Variants in MYOM2 observed in about 807,000 individuals in gnomAD.
MYOM2 encodes myomesin 2.
In MYOM2, 254 loss-of-function variants were observed where a neutral mutation model predicts 187.6. The observed-to-expected ratio is 1.35, with a 90% CI of 1.22 to 1.50. MYOM2 has a LOEUF of 1.50. MYOM2 is among the 40% of genes most tolerant of loss of function. MYOM2 has a pLI of 0.00. For missense variants in MYOM2, 2,796 were observed against 1,924.0 expected (o/e 1.45, Z -8.48); for synonymous variants, 981 against 753.8 (o/e 1.30, Z -4.94).
intron 10 of MYOM2, among the ~76,000 whole-genome samples, chr8:2,073,833 C>G (rs1348370064): frequency 6.6e-6 from 1 of 152,144 alleles, no homozygotes; most frequent in Non-Finnish European, 1.5e-5. Context: ...GAACGTAGCC[C>G]GAGGATGAAG....
chr8:2,131,112 C>G (rs1489811225), intron 32 of MYOM2, among the ~76,000 whole-genome samples: 1 of 152,164 alleles, frequency 6.6e-6, no homozygotes, highest in South Asian at 2.1e-4. Context: ...AGAGATTAAA[C>G]ACACACCCAC....
intron 13 of MYOM2, among the ~76,000 whole-genome samples, chr8:2,079,842 C>G (rs1015570997): frequency 6.6e-6 from 1 of 152,196 alleles, no homozygotes; most frequent in African/African-American, 2.4e-5. Context: ...ATTGGTGACT[C>G]TTAGACTCAC....
chr8:2,144,245 G>A (rs1798377397), intron 36 of MYOM2, among the ~76,000 whole-genome samples: 1 of 151,310 alleles, frequency 6.6e-6, no homozygotes, highest in Non-Finnish European at 1.5e-5. Context: ...CAATTTACCA[G>A]TTATAAAACG....
At chr8:2,050,990 G>C in intron 2 of MYOM2, 117 bp downstream of exon 2, 2 of 729,380 alleles carry the variant, frequency 2.7e-6, no homozygotes, top group Admixed American at 4.3e-5. Context: ...GAGTCAGAGA[G>C]CAGAGATGGC....
chr8:2,073,843 G>T (rs936755388), intron 10 of MYOM2, among the ~76,000 whole-genome samples: 2 of 152,344 alleles, frequency 1.3e-5, no homozygotes, highest in East Asian at 3.9e-4. Context: ...CGAGGATGAA[G>T]AGGGGCACAG....
intron 32 of MYOM2, among the ~76,000 whole-genome samples, chr8:2,138,368 G>C (rs946530816): frequency 6.6e-6 from 1 of 152,154 alleles, no homozygotes; most frequent in Non-Finnish European, 1.5e-5. Flanking sequence ...GCAGCTGGGC[G>C]GAGCCTGGGG....
chr8:2,089,771 G>T (rs540614199), intron 14 of MYOM2, among the ~76,000 whole-genome samples: 1 of 152,230 alleles, frequency 6.6e-6, no homozygotes, highest in Admixed American at 6.5e-5. Flanking sequence ...TTACTTTAAT[G>T]GAAAAAAATT....
intron 13 of MYOM2, among the ~76,000 whole-genome samples, chr8:2,080,938 C>T (rs1819601576): frequency 7.5e-6 from 1 of 133,520 alleles, no homozygotes; most frequent in South Asian, 2.6e-4. Flanking sequence ...GAACAGGCAG[C>T]CCAGCCCTTG....
At chr8:2,053,247 A>G (rs1818551113) in intron 3 of MYOM2, among the ~76,000 whole-genome samples, 1 of 152,262 alleles carries the variant, frequency 6.6e-6, no homozygotes, top group South Asian at 2.1e-4. Context: ...GAAGGTTAAC[A>G]TTTATTTTTA....
At chr8:2,096,730 C>T (rs1046082131) in intron 18 of MYOM2, among the ~76,000 whole-genome samples, 1 of 152,158 alleles carries the variant, frequency 6.6e-6, no homozygotes, top group East Asian at 1.9e-4. Context: ...GTCCCTTGTT[C>T]TAGGCTCTGA....
At chr8:2,076,105 A>G (rs1300054956) in intron 10 of MYOM2, 36 bp from the exon 11 acceptor site, 2 of 1,592,278 alleles carry the variant, frequency 1.3e-6, no homozygotes, top group East Asian at 4.5e-5. Flanking sequence ...CAGCCTTTAA[A>G]TGACAGGCGT....
At chr8:2,143,318 G>T (rs574484918) in intron 35 of MYOM2, 83 bp from the exon 36 acceptor site, 5 of 1,478,052 alleles carry the variant, frequency 3.4e-6, no homozygotes, top group African/African-American at 1.4e-5. Flanking sequence ...ATTCACCTTG[G>T]TACCCACTGC....
chr8:2,118,549 TAA>T (rs1797322309), intron 28 of MYOM2, among the ~76,000 whole-genome samples: 1 of 152,068 alleles, frequency 6.6e-6, no homozygotes, highest in East Asian at 1.9e-4. Context: ...ACAGTTTCAA[TAA>T]AGAGATGATT....
At chr8:2,088,681 T>G (rs1398039635) in intron 14 of MYOM2, among the ~76,000 whole-genome samples, 1 of 152,224 alleles carries the variant, frequency 6.6e-6, no homozygotes, top group Non-Finnish European at 1.5e-5. Context: ...ATTGCAGGGT[T>G]GAGTCCATGT....
At chr8:2,080,804 G>GT (rs1235057231) in intron 13 of MYOM2, among the ~76,000 whole-genome samples, 3 of 151,504 alleles carry the variant, frequency 2.0e-5, no homozygotes, top group Admixed American at 6.6e-5. Flanking sequence ...GTAGAATGAG[G>GT]TTGGTTCTGG....
chr8:2,071,134 G>GT (rs1210615272), intron 8 of MYOM2, among the ~76,000 whole-genome samples: 16 of 151,586 alleles, frequency 1.1e-4, no homozygotes, highest in Non-Finnish European at 2.2e-4. Flanking sequence ...AACCCGGCTC[G>GT]TTTTTTCTTT....
rs752725561 is a variant in MYOM2, at chr8:2,085,482, C to T, written c.1644+92C>T. 9.9e-3 allele frequency: 13,044 copies of T among 1,321,130 alleles called. 787 individuals are homozygous for T. The highest frequency in any genetic ancestry group is 0.018 in the African/African-American group (1,017 of 55,962). The allele number at this position is 1,321,130 out of a possible 1,614,324, so 81.8% of individuals were successfully genotyped here. On this transcript the variant is annotated intron_variant, in intron 14 of 36. Transcript: ENST00000262113. ...CGTGGCCCACCGCTGTCGTGATCTC[C>T]GCGTGGCCCCTCACTGTTGTGATCT...
chr8:2,092,542 C>G (rs1327704250), intron 16 of MYOM2, 22 bp downstream of exon 16: 1 of 1,611,274 alleles, frequency 6.2e-7, no homozygotes, highest in Admixed American at 1.7e-5. Context: ...CTCCCCAGCC[C>G]TGGAGTCAGC....
At chr8:2,048,935 G>C (rs1818394689) in intron 1 of MYOM2, among the ~76,000 whole-genome samples, 1 of 151,824 alleles carries the variant, frequency 6.6e-6, no homozygotes, top group East Asian at 1.9e-4. Flanking sequence ...GACTACAGGG[G>C]ACCCCCACCA....
Sources: allele counts gnomAD v4.1 joint callset (sites outside exome capture counted in the v4.1 genomes callset), GRCh38; gene constraint gnomAD v4.1.1; transcripts MANE v1.5; gene names NCBI Gene and HGNC (gene_info 2026-07-23, HGNC 2026-07-21).